The following CPEB4 variants were observed in gnomAD, a reference collection of about 807,000 sequenced individuals.
CPEB4 encodes the protein cytoplasmic polyadenylation element binding protein 4.
In CPEB4, 12 loss-of-function variants were observed where a neutral mutation model predicts 72.5. The ratio of observed to expected loss-of-function variants is 0.17; its 90% CI spans 0.11 to 0.27. CPEB4 has a LOEUF of 0.27. Ranked by LOEUF, CPEB4 falls within the 10% of genes least tolerant of loss-of-function variation. The pLI, the probability that CPEB4 is intolerant of heterozygous loss-of-function variation, is 1.00. For synonymous variants in CPEB4, 302 were observed against 326.3 expected (o/e 0.93, Z 0.80); for missense variants, 614 against 908.5 (o/e 0.68, Z 4.17).
At chr5:173,938,296 G>C (rs1343723564) in intron 3 of CPEB4, among the ~76,000 whole-genome samples, 1 of 152,122 alleles carries the variant, frequency 6.6e-6, no homozygotes, top group Non-Finnish European at 1.5e-5. Flanking sequence ...TGCAATCTCA[G>C]CTCACTGCAA....
At chr5:173,893,395 T>C (rs954287917) in intron 1 of CPEB4, among the ~76,000 whole-genome samples, 2 of 152,046 alleles carry the variant, frequency 1.3e-5, no homozygotes, top group Admixed American at 1.3e-4. Context: ...GGCAGAAGGA[T>C]TGCATGAGCC....
At chr5:173,909,548 G>T (rs985655006) in intron 1 of CPEB4, among the ~76,000 whole-genome samples, 2 of 151,262 alleles carry the variant, frequency 1.3e-5, no homozygotes, top group African/African-American at 4.9e-5. Flanking sequence ...TTTTTTACAT[G>T]ATTTTTGGAA....
rs976538847 is a variant in CPEB4 at position 173,956,917 on chromosome 5, C to G, written c.*780C>G. On this transcript the variant is annotated 3_prime_UTR_variant, in exon 10 of 10. Transcript: ENST00000265085. ...ATGTAAAAATTGGGTAAATTTACTA[C>G]TGAGGGGAGTGCACTTATTTATTTA... 2.6e-5 allele frequency: 4 copies of G among 152,480 alleles called. No individual in the cohort carries two copies. Among genetic ancestry groups the G allele is most frequent in the African/African-American group, 9.7e-5 (4 of 41,360 alleles). 9.4% of individuals were successfully genotyped at this position (152,480 alleles called of 1,614,324 possible). A position where few individuals can be genotyped will look rare whatever the true frequency, so the allele number is the denominator to read the frequency against.
At chr5:173,948,904 G>GC (rs1458144774) in intron 5 of CPEB4, among the ~76,000 whole-genome samples, 3 of 152,016 alleles carry the variant, frequency 2.0e-5, no homozygotes, top group African/African-American at 7.3e-5. Context: ...CCTACCAAAG[G>GC]CCCCAGCTCC....
At chr5:173,912,778 TAA>T (rs879274759) in intron 2 of CPEB4, among the ~76,000 whole-genome samples, 3 of 139,172 alleles carry the variant, frequency 2.2e-5, no homozygotes, top group Non-Finnish European at 1.6e-5. Flanking sequence ...TACAAACATT[TAA>T]AAAAAAAAAA....
intron 1 of CPEB4, among the ~76,000 whole-genome samples, chr5:173,898,453 C>T (rs1001233999): frequency 2.0e-5 from 3 of 152,120 alleles, no homozygotes; most frequent in African/African-American, 7.2e-5. Flanking sequence ...AGCTATGTGA[C>T]CTAGGCAAGC....
At chr5:173,921,004 C>T (rs1757053267) in intron 2 of CPEB4, among the ~76,000 whole-genome samples, 1 of 152,206 alleles carries the variant, frequency 6.6e-6, no homozygotes, top group Admixed American at 6.5e-5. Context: ...CCATGGGCCT[C>T]TTCAGCCATG....
chr5:173,951,973 T>C, intron 8 of CPEB4, 35 bp downstream of exon 8: 1 of 1,336,148 alleles, frequency 7.5e-7, no homozygotes, highest in Non-Finnish European at 1.1e-6. Context: ...CTCTACCCTA[T>C]AGCGCAAGAA....
intron 2 of CPEB4, among the ~76,000 whole-genome samples, chr5:173,911,407 C>T (rs1046651217): frequency 2.6e-5 from 4 of 152,040 alleles, no homozygotes; most frequent in South Asian, 2.1e-4. Context: ...GGACTACAGG[C>T]GCCCACTACC....
At chr5:173,922,048 C>T (rs767533772) in intron 2 of CPEB4, among the ~76,000 whole-genome samples, 21 of 152,166 alleles carry the variant, frequency 1.4e-4, no homozygotes, top group Non-Finnish European at 2.4e-4. Flanking sequence ...TGTAAAGTCA[C>T]TCAGATTCCT....
intron 2 of CPEB4, among the ~76,000 whole-genome samples, chr5:173,920,259 T>C (rs1348767388): frequency 6.6e-6 from 1 of 152,198 alleles, no homozygotes; most frequent in Non-Finnish European, 1.5e-5. Flanking sequence ...GGAATCCAGT[T>C]GGGTTGATGC....
rs1758545639 is a variant in CPEB4 at position 173,961,391 on chromosome 5, G to A, written c.*5254G>A. 1 of 152,202 alleles carries A rather than the reference G, an allele frequency of 6.6e-6. No homozygotes were observed. Among genetic ancestry groups the A allele is most frequent in the Admixed American group, 6.5e-5 (1 of 15,284 alleles). 9.4% of individuals were successfully genotyped at this position (152,202 alleles called of 1,614,324 possible). On this transcript the variant is annotated 3_prime_UTR_variant, in exon 10 of 10. Transcript: ENST00000265085. Reference sequence around the variant, plus strand: ...TTTAGGAAATGTTTATTTCAGGTAAGTGAGATATCAATGATATGTGATATA... The same window carrying A: ...TTTAGGAAATGTTTATTTCAGGTAAATGAGATATCAATGATATGTGATATA...
Position 173,900,181 on chromosome 5 carries a change from G to A in CPEB4, c.1125+9323G>A, listed in dbSNP as rs903230334. 3.3e-5 allele frequency among the ~76,000 whole-genome samples: 5 copies of A among 151,956 alleles called. No homozygotes were observed. Among genetic ancestry groups the A allele is most frequent in the Non-Finnish European group, 5.9e-5 (4 of 67,960 alleles). ...AGCACTGCGAGAGGCTGAGGTGGGC[G>A]GATCACCTGAGGTCGGGAGTTCGAG... On this transcript the variant is annotated intron_variant, in intron 1 of 9. Coordinates refer to ENST00000265085, the MANE Select transcript of CPEB4 (RefSeq NM_030627.4). The surrounding 1 kb of genome is among the most constrained non-coding windows in gnomAD (Gnocchi z 4.4).
chr5:173,916,982 C>T (rs1213884056), intron 2 of CPEB4, among the ~76,000 whole-genome samples: 2 of 152,060 alleles, frequency 1.3e-5, no homozygotes, highest in East Asian at 3.8e-4. Context: ...ACTAATATTC[C>T]TATATTCCAA....
rs879894576 is a variant in CPEB4, at chr5:173,955,338, CTT to C, written c.1963-558_1963-557del. Among the ~76,000 whole-genome samples the C allele has an allele frequency of 1.1e-4, 15 of 141,802 alleles. No individual in the cohort carries two copies. The highest frequency in any genetic ancestry group is 1.3e-4 in the African/African-American group (5 of 38,876). 93.0% of individuals were successfully genotyped at this position (141,802 alleles called of 152,430 possible). ...TAGACTGTGAATCCTATGGCTGCAT[CTT>C]TTTTTTTTTTTTTAACAGAGTTCCA... On this transcript the variant is annotated intron_variant, in intron 9 of 9. Coordinates refer to ENST00000265085, the MANE Select transcript of CPEB4 (RefSeq NM_030627.4). The surrounding 1 kb of genome is among the most constrained non-coding windows in gnomAD (Gnocchi z 4.7).
At chr5:173,921,071 A>G (rs1757055575) in intron 2 of CPEB4, among the ~76,000 whole-genome samples, 1 of 152,208 alleles carries the variant, frequency 6.6e-6, no homozygotes, top group African/African-American at 2.4e-5. Flanking sequence ...CAGTTAGATG[A>G]TAGATGTCAC....
intron 3 of CPEB4, among the ~76,000 whole-genome samples, chr5:173,941,844 G>A (rs1252703253): frequency 1.3e-5 from 2 of 152,188 alleles, no homozygotes; most frequent in African/African-American, 4.8e-5. Flanking sequence ...CACCACTCCA[G>A]CCTGGGTGAC....
At chr5:173,909,228 A>G (rs973314530) in intron 1 of CPEB4, among the ~76,000 whole-genome samples, 1 of 152,220 alleles carries the variant, frequency 6.6e-6, no homozygotes, top group Non-Finnish European at 1.5e-5. Flanking sequence ...TTGCAAGTTG[A>G]GAGTAAATAA....
intron 1 of CPEB4, among the ~76,000 whole-genome samples, chr5:173,894,399 T>C (rs1273930478): frequency 6.6e-6 from 1 of 151,974 alleles, no homozygotes; most frequent in Non-Finnish European, 1.5e-5. Context: ...AGTGGGCGGA[T>C]CACTTGAGGT....
Sources: allele counts gnomAD v4.1 joint callset (sites outside exome capture counted in the v4.1 genomes callset), GRCh38; gene constraint gnomAD v4.1.1; non-coding constraint Gnocchi (gnomAD v3.1); transcripts MANE v1.5; gene names NCBI Gene and HGNC (gene_info 2026-07-23, HGNC 2026-07-21).